FALEC: variants seen among roughly 807,000 people sequenced by gnomAD.
FALEC encodes the protein focally amplified lncRNA on chromosome 1.
At chr1:150,529,041 C>CAAAAAAAAAAAAAAAAAAAAA in the FALEC span, among the ~76,000 whole-genome samples, 6 of 58,688 alleles carry the variant, frequency 1.0e-4, no homozygotes, top group Non-Finnish European at 7.4e-5. Context: ...AAAAAAAAAT[C>CAAAAAAAAAAAAAAAAAAAAA]AAAGGATCTA....
downstream of FALEC, among the ~76,000 whole-genome samples, chr1:150,522,983 A>ATTTTTTTTTTTTT (rs1174052488): frequency 6.3e-5 from 1 of 15,920 alleles, no homozygotes; most frequent in Non-Finnish European, 9.8e-5. Context: ...ATATATATAT[A>ATTTTTTTTTTTTT]TTTTTTTTTT....
chr1:150,529,016 C>CAAAA, the FALEC span, among the ~76,000 whole-genome samples: 1,007 of 59,214 alleles, frequency 0.017, 76 homozygotes, highest in East Asian at 0.068. Flanking sequence ...AAATAAATAG[C>CAAAA]AAAAAAAAAA....
chr1:150,526,219 G>A, the FALEC span, among the ~76,000 whole-genome samples: 112 of 151,960 alleles, frequency 7.4e-4, no homozygotes, highest in South Asian at 1.0e-3. Flanking sequence ...GCGCGGTAGC[G>A]GGCACCTGTA....
chr1:150,523,229 G>C, the FALEC span, among the ~76,000 whole-genome samples: 1 of 147,484 alleles, frequency 6.8e-6, no homozygotes, highest in Non-Finnish European at 1.5e-5. Flanking sequence ...CTGACCTCAA[G>C]TGATCCGCCC....
At chr1:150,522,859 A>C (rs1216174738), downstream of FALEC, among the ~76,000 whole-genome samples, 1 of 121,804 alleles carries the variant, frequency 8.2e-6, no homozygotes, top group East Asian at 2.1e-4. Flanking sequence ...CTCTATATAT[A>C]TATATACGTA....
At chr1:150,529,295 TAGA>T in the FALEC span, among the ~76,000 whole-genome samples, 5 of 152,186 alleles carry the variant, frequency 3.3e-5, no homozygotes, top group East Asian at 1.9e-4. Context: ...CCAGCAGAAT[TAGA>T]AGATTTCCTC....
downstream of FALEC, among the ~76,000 whole-genome samples, chr1:150,520,166 A>C (rs1269467341): frequency 3.9e-5 from 6 of 152,164 alleles, no homozygotes; most frequent in African/African-American, 1.4e-4. Flanking sequence ...TAAATAAATA[A>C]ACAAATGTAT....
At chr1:150,524,895 T>G in the FALEC span, among the ~76,000 whole-genome samples, 1 of 150,270 alleles carries the variant, frequency 6.7e-6, no homozygotes, top group South Asian at 2.1e-4. Context: ...CTCAGGAGAC[T>G]GAACTGAGGG....
chr1:150,529,600 AT>A, the FALEC span, among the ~76,000 whole-genome samples: 2,029 of 142,360 alleles, frequency 0.014, 44 homozygotes, highest in African/African-American at 0.043. Context: ...GGGATCTGTG[AT>A]TTTTTTTTTT....
downstream of FALEC, among the ~76,000 whole-genome samples, chr1:150,522,259 AAG>A (rs1463714624): frequency 7.3e-5 from 11 of 150,600 alleles, no homozygotes; most frequent in African/African-American, 2.7e-4. Context: ...AAAAAAAAAA[AAG>A]AAAGAAAGAA....
At chr1:150,524,995 G>GAAAA in the FALEC span, among the ~76,000 whole-genome samples, 1 of 98,314 alleles carries the variant, frequency 1.0e-5, no homozygotes, top group African/African-American at 4.0e-5. Context: ...ACCCTGTCTT[G>GAAAA]AAAAAAAAAA....
the FALEC span, among the ~76,000 whole-genome samples, chr1:150,535,076 G>A: frequency 1.3e-5 from 2 of 152,032 alleles, no homozygotes; most frequent in South Asian, 4.1e-4. Flanking sequence ...GGGCCTCCTG[G>A]GCCAGCACTT....
downstream of FALEC, among the ~76,000 whole-genome samples, chr1:150,520,783 C>CTT (rs71086518): frequency 0.023 from 968 of 42,788 alleles, 189 homozygotes; most frequent in African/African-American, 0.04. Flanking sequence ...CTTTTCTTTT[C>CTT]TTTTTTTTTT....
the FALEC span, among the ~76,000 whole-genome samples, chr1:150,534,002 G>C: frequency 0.13 from 19,897 of 152,242 alleles, 1,585 homozygotes; most frequent in East Asian, 0.43. Flanking sequence ...TGTGGACAAG[G>C]ATGGCGTGGG....
the FALEC span, among the ~76,000 whole-genome samples, chr1:150,524,063 A>G: frequency 6.6e-6 from 1 of 152,208 alleles, no homozygotes; most frequent in Admixed American, 6.6e-5. Flanking sequence ...TAGCCCCATA[A>G]GACTCATTTT....
the FALEC span, among the ~76,000 whole-genome samples, chr1:150,529,129 C>A: frequency 6.6e-6 from 1 of 150,878 alleles, no homozygotes; most frequent in African/African-American, 2.4e-5. Context: ...CTTCTGCTAT[C>A]ACATGGAAAC....
the FALEC span, among the ~76,000 whole-genome samples, chr1:150,529,028 A>AAAAAAAAAAAAAAAAAAAAAAAAAG: frequency 6.6e-6 from 1 of 150,972 alleles, no homozygotes; most frequent in African/African-American, 2.4e-5. Context: ...AAAAAAAAAA[A>AAAAAAAAAAAAAAAAAAAAAAAAAG]AAAAAAAAAA....
chr1:150,532,136 T>C, the FALEC span, among the ~76,000 whole-genome samples: 7 of 152,240 alleles, frequency 4.6e-5, no homozygotes, highest in Non-Finnish European at 8.8e-5. Flanking sequence ...CTTGATCTCC[T>C]GACCTCCTGA....
the FALEC span, among the ~76,000 whole-genome samples, chr1:150,530,189 G>A: frequency 2.0e-5 from 3 of 152,092 alleles, no homozygotes; most frequent in Non-Finnish European, 4.4e-5. Flanking sequence ...TGTAAAATGG[G>A]AATGATAATC....
Sources: allele counts gnomAD v4.1 joint callset (sites outside exome capture counted in the v4.1 genomes callset), GRCh38; gene constraint gnomAD v4.1.1; transcripts MANE v1.5; gene names NCBI Gene and HGNC (gene_info 2026-07-23, HGNC 2026-07-21).